MAP3K5: variants seen among roughly 807,000 people sequenced by gnomAD.
MAP3K5 encodes the protein mitogen-activated protein kinase kinase kinase 5.
A neutral mutation model predicts 158.7 loss-of-function variants in MAP3K5; 56 were observed. That is an observed-to-expected ratio of 0.35 (90% confidence interval 0.28 to 0.44). The LOEUF is 0.44. MAP3K5 is among the 20% of genes least tolerant of loss of function. The probability of loss-of-function intolerance (pLI) is 1.00; values close to 1 mark genes in which losing one functional copy is unlikely to be tolerated. For missense variants in MAP3K5, 1,294 were observed against 1,674.8 expected, an observed-to-expected ratio of 0.77 and a Z score of 3.97; for synonymous variants, 579 against 601.7, an observed-to-expected ratio of 0.96 and a Z score of 0.55.
chr6:136,657,868 C>T (rs1001126838), intron 9 of MAP3K5, among the ~76,000 whole-genome samples: 3 of 152,150 alleles, frequency 2.0e-5, no homozygotes, highest in Non-Finnish European at 4.4e-5. Flanking sequence ...AGTGTAAACC[C>T]AGGAGTGTGA....
At chr6:136,599,586 G>A (rs750776395) in intron 21 of MAP3K5, among the ~76,000 whole-genome samples, 4 of 152,032 alleles carry the variant, frequency 2.6e-5, no homozygotes, top group Admixed American at 2.6e-4. Context: ...TATTTCCTGC[G>A]AACAAAAACC....
At chr6:136,614,383 TC>T in intron 15 of MAP3K5, 97 bp from the exon 16 acceptor site, 1 of 1,393,318 alleles carries the variant, frequency 7.2e-7, no homozygotes, top group Non-Finnish European at 9.8e-7. Context: ...CAAATATATG[TC>T]CATATGTAAA....
chr6:136,735,555 T>A (rs1782420213), intron 1 of MAP3K5, among the ~76,000 whole-genome samples: 1 of 152,126 alleles, frequency 6.6e-6, no homozygotes, highest in Non-Finnish European at 1.5e-5. Context: ...ATAGGCCGGG[T>A]GAGGTGGCTC....
intron 21 of MAP3K5, among the ~76,000 whole-genome samples, chr6:136,600,559 C>T (rs1484581771): frequency 6.6e-6 from 1 of 152,138 alleles, no homozygotes; most frequent in African/African-American, 2.4e-5. Context: ...AATCTACTTT[C>T]TCTACCTTCC....
At chr6:136,744,555 A>C (rs181261036) in intron 1 of MAP3K5, among the ~76,000 whole-genome samples, 1 of 152,218 alleles carries the variant, frequency 6.6e-6, no homozygotes, top group East Asian at 1.9e-4. Context: ...CACAGTTTGG[A>C]AATCAGCAGC....
At chr6:136,742,420 A>T (rs1207588337) in intron 1 of MAP3K5, among the ~76,000 whole-genome samples, 1 of 151,826 alleles carries the variant, frequency 6.6e-6, no homozygotes, top group Non-Finnish European at 1.5e-5. Context: ...GAACAACTGA[A>T]CCTCTACATG....
At chr6:136,771,507 C>T (rs909098461) in intron 1 of MAP3K5, among the ~76,000 whole-genome samples, 2 of 152,154 alleles carry the variant, frequency 1.3e-5, no homozygotes, top group Non-Finnish European at 2.9e-5. Flanking sequence ...TGGCAATGAC[C>T]TAGTGACCCA....
intron 1 of MAP3K5, among the ~76,000 whole-genome samples, chr6:136,750,510 C>T (rs923137724): frequency 6.6e-6 from 1 of 152,188 alleles, no homozygotes; most frequent in Admixed American, 6.5e-5. Flanking sequence ...CAGCAGTTCT[C>T]TTCAACGATG....
At chr6:136,651,419 T>C (rs1405333359) in intron 10 of MAP3K5, among the ~76,000 whole-genome samples, 2 of 152,216 alleles carry the variant, frequency 1.3e-5, no homozygotes, top group Admixed American at 6.5e-5. Flanking sequence ...TATTTTATCA[T>C]GTACTACATA....
At chr6:136,635,836 T>C (rs1324033156) in intron 14 of MAP3K5, among the ~76,000 whole-genome samples, 2 of 151,774 alleles carry the variant, frequency 1.3e-5, no homozygotes, top group East Asian at 1.9e-4. Context: ...TGAGCTGTGA[T>C]TGTGCCACTG....
At chr6:136,596,773 C>T (rs370771563) in intron 21 of MAP3K5, among the ~76,000 whole-genome samples, 14 of 152,296 alleles carry the variant, frequency 9.2e-5, no homozygotes, top group East Asian at 5.8e-4. Flanking sequence ...TGATCAAATC[C>T]ACGCCTGAGA....
chr6:136,754,935 T>C (rs6905203), intron 1 of MAP3K5, among the ~76,000 whole-genome samples: 68,944 of 151,814 alleles, frequency 0.45, 15,839 homozygotes, highest in Middle Eastern at 0.5. Flanking sequence ...AGTTGCCCAT[T>C]CCAGAAATAT....
chr6:136,570,878 C>T (rs934671570), intron 25 of MAP3K5, among the ~76,000 whole-genome samples: 5 of 152,168 alleles, frequency 3.3e-5, no homozygotes, highest in African/African-American at 7.2e-5. Flanking sequence ...AGACACCTCA[C>T]GTTTATAGTT....
intron 1 of MAP3K5, among the ~76,000 whole-genome samples, chr6:136,746,389 G>A (rs891463762): frequency 6.6e-6 from 1 of 152,134 alleles, no homozygotes; most frequent in Non-Finnish European, 1.5e-5. Flanking sequence ...GTCTGACTAT[G>A]AGCTATTAGT....
intron 11 of MAP3K5, among the ~76,000 whole-genome samples, chr6:136,645,524 A>T (rs1051273335): frequency 1.3e-5 from 2 of 152,184 alleles, no homozygotes; most frequent in East Asian, 3.9e-4. Context: ...AAGGGGGGGA[A>T]ATTCTAAATA....
chr6:136,735,187 A>G (rs1297585757), intron 1 of MAP3K5, among the ~76,000 whole-genome samples: 1 of 152,260 alleles, frequency 6.6e-6, no homozygotes, highest in Non-Finnish European at 1.5e-5. Flanking sequence ...AATTATGTTT[A>G]CATAAGCATT....
At chr6:136,644,726 C>T (rs1012852065) in intron 11 of MAP3K5, among the ~76,000 whole-genome samples, 5 of 152,148 alleles carry the variant, frequency 3.3e-5, no homozygotes, top group African/African-American at 9.7e-5. Context: ...AAATTGGCCA[C>T]GGTAAGTCCA....
At chr6:136,598,662 C>T (rs1775737080) in intron 21 of MAP3K5, among the ~76,000 whole-genome samples, 2 of 152,304 alleles carry the variant, frequency 1.3e-5, no homozygotes, top group South Asian at 4.1e-4. Flanking sequence ...CCTCTTACTC[C>T]CCTCTTGAGG....
intron 14 of MAP3K5, among the ~76,000 whole-genome samples, chr6:136,630,634 C>CA (rs1777303332): frequency 6.6e-6 from 1 of 152,364 alleles, no homozygotes; most frequent in South Asian, 2.1e-4. Context: ...AGACCACTTG[C>CA]ACCTAGAGGA....
Sources: allele counts gnomAD v4.1 joint callset (sites outside exome capture counted in the v4.1 genomes callset), GRCh38; gene constraint gnomAD v4.1.1; transcripts MANE v1.5; gene names NCBI Gene and HGNC (gene_info 2026-07-23, HGNC 2026-07-21).